CRYZL1: variants seen among roughly 807,000 people sequenced by gnomAD.
CRYZL1 encodes crystallin zeta like 1.
CRYZL1 carries 34 observed loss-of-function variants against 50.6 expected under a neutral mutation model. The observed-to-expected ratio is 0.67, with a 90% CI of 0.51 to 0.89. The LOEUF is 0.89. Ranked by LOEUF, CRYZL1 falls within the 40% of genes least tolerant of loss-of-function variation. CRYZL1 has a pLI of 0.00. For missense variants in CRYZL1, 354 were observed against 402.3 expected (o/e 0.88, Z 1.03); for synonymous variants, 125 against 134.3 (o/e 0.93, Z 0.48).
intron 1 of CRYZL1, among the ~76,000 whole-genome samples, chr21:33,636,855 A>G (rs56245734): frequency 0.31 from 47,836 of 151,938 alleles, 7,747 homozygotes; most frequent in Middle Eastern, 0.47. Flanking sequence ...CGCCCAGGCT[A>G]GAGTGCAGTG....
intron 9 of CRYZL1, 30 bp downstream of exon 9, chr21:33,599,120 C>G: frequency 6.2e-7 from 1 of 1,602,494 alleles, no homozygotes; most frequent in Non-Finnish European, 8.5e-7. Context: ...AAAAAAACTA[C>G]ACAGGCTACT....
chr21:33,615,124 C>G (rs1407607334), intron 5 of CRYZL1, among the ~76,000 whole-genome samples: 1 of 150,178 alleles, frequency 6.7e-6, no homozygotes, highest in Non-Finnish European at 1.5e-5. Context: ...CGCTATAAGG[C>G]TAAATATTTT....
intron 10 of CRYZL1, 150 bp downstream of exon 10, chr21:33,597,130 A>G (rs2086702812): frequency 6.1e-6 from 4 of 660,578 alleles, no homozygotes; most frequent in Non-Finnish European, 1.0e-5. Context: ...GCGGCCTCCC[A>G]TAGTGCTGGA....
chr21:33,589,934 G>C lies in CRYZL1; in HGVS notation c.951-13C>G. The C allele has an allele frequency of 6.8e-7, 1 of 1,479,348 alleles. No homozygotes were observed. Among genetic ancestry groups the C allele is most frequent in the East Asian group, 2.3e-5 (1 of 44,042 alleles). The allele number at this position is 1,479,348 out of a possible 1,614,324, so 91.6% of individuals were successfully genotyped here. ...ATCCAACTGAGGTCTGAGAAGGAATGAAATTAGAAATGTCAGGTCTAGTTA... is the reference window on the plus strand; with the variant it reads ...ATCCAACTGAGGTCTGAGAAGGAATCAAATTAGAAATGTCAGGTCTAGTTA... On this transcript the variant is annotated splice_polypyrimidine_tract_variant and intron_variant, in intron 12 of 12. Transcript: ENST00000381554.
chr21:33,621,967 AATAC>A, intron 4 of CRYZL1, 25 bp downstream of exon 4: 1 of 1,467,448 alleles, frequency 6.8e-7, no homozygotes, highest in Non-Finnish European at 9.4e-7. Flanking sequence ...TTAGAAAATA[AATAC>A]ATATACTCAC....
At position 33,616,521 on chromosome 21, in the gene CRYZL1, A is replaced by G. The variant is rs1301195526; in HGVS notation, c.262+185T>C. ...TGGTCAGGCTGGTCTCGAACTCCCG[A>G]CCTCAGGTGATTCGCCCACCTTGGC... On this transcript the variant is annotated intron_variant, in intron 5 of 12. Transcript: ENST00000381554. 5 of 1,204,050 alleles carry G rather than the reference A, an allele frequency of 4.2e-6. No homozygotes were observed. In the African/African-American group the frequency reaches 6.2e-5, roughly 15 times the overall value. 74.6% of individuals were successfully genotyped at this position (1,204,050 alleles called of 1,614,324 possible). A position where few individuals can be genotyped will look rare whatever the true frequency, so the allele number is the denominator to read the frequency against.
chr21:33,591,476 TCAC>T (rs2086641930), intron 11 of CRYZL1: 1 of 518,252 alleles, frequency 1.9e-6, no homozygotes. Context: ...TCCTAAGTGC[TCAC>T]CACTATTATC....
At chr21:33,614,916 ATT>A (rs1362272482) in intron 5 of CRYZL1, among the ~76,000 whole-genome samples, 2 of 152,054 alleles carry the variant, frequency 1.3e-5, no homozygotes, top group African/African-American at 4.8e-5. Flanking sequence ...AGCTAGTCTG[ATT>A]TTGTTTTTGG....
chr21:33,621,410 C>G (rs1363343803), intron 4 of CRYZL1, among the ~76,000 whole-genome samples: 1 of 151,276 alleles, frequency 6.6e-6, no homozygotes, highest in Non-Finnish European at 1.5e-5. Context: ...GGCGCCATCT[C>G]GGCTCACTGC....
At chr21:33,634,933 C>T (rs1453216801) in intron 1 of CRYZL1, among the ~76,000 whole-genome samples, 6 of 151,146 alleles carry the variant, frequency 4.0e-5, no homozygotes, top group Admixed American at 3.3e-4. Context: ...TTAGTCACAT[C>T]ATCCTAAATA....
chr21:33,595,973 C>T (rs899099065), intron 10 of CRYZL1, 137 bp from the exon 11 acceptor site: 17 of 655,262 alleles, frequency 2.6e-5, no homozygotes, highest in East Asian at 8.2e-5. Context: ...ACTTTAATAA[C>T]GTAAACGATA....
At chr21:33,636,795 C>A (rs1351559259) in intron 1 of CRYZL1, among the ~76,000 whole-genome samples, 1 of 152,090 alleles carries the variant, frequency 6.6e-6, no homozygotes, top group Non-Finnish European at 1.5e-5. Flanking sequence ...ACACTCAATC[C>A]CCCAAGAAGC....
At chr21:33,592,069 T>C (rs1440846506) in intron 11 of CRYZL1, among the ~76,000 whole-genome samples, 1 of 151,964 alleles carries the variant, frequency 6.6e-6, no homozygotes, top group South Asian at 2.1e-4. Context: ...CCTAATGCAA[T>C]GTAAATACTA....
At position 33,627,092 on chromosome 21, in the gene CRYZL1, T is replaced by C. The variant is rs558236369; in HGVS notation, c.67-2332A>G. ...TTCTTCCCAAGAGCCAATCAACCCCTGACCCTCATCCTGATCAATGATAGA... is the reference window on the plus strand; with the variant it reads ...TTCTTCCCAAGAGCCAATCAACCCCCGACCCTCATCCTGATCAATGATAGA... On this transcript the variant is annotated intron_variant, in intron 2 of 12. Coordinates refer to ENST00000381554, the MANE Select transcript of CRYZL1 (RefSeq NM_145858.3). Among the ~76,000 whole-genome samples the C allele has an allele frequency of 5.3e-5, 8 of 152,348 alleles. No individual in the cohort carries two copies. In the South Asian group the frequency reaches 1.7e-3, roughly 32 times the overall value.
At chr21:33,605,473 ATTT>A (rs908451941) in intron 6 of CRYZL1, among the ~76,000 whole-genome samples, 2 of 141,318 alleles carry the variant, frequency 1.4e-5, no homozygotes, top group African/African-American at 5.3e-5. Flanking sequence ...TCACTATTTA[ATTT>A]TTGTTTTGTA....
At chr21:33,609,437 C>T (rs1254265380) in intron 6 of CRYZL1, among the ~76,000 whole-genome samples, 6 of 151,968 alleles carry the variant, frequency 3.9e-5, no homozygotes, top group Non-Finnish European at 7.4e-5. Flanking sequence ...GCAGCTGGGA[C>T]TATAGGCACA....
At chr21:33,624,366 GCAAAACC>G (rs1327505305) in intron 3 of CRYZL1, among the ~76,000 whole-genome samples, 6 of 152,106 alleles carry the variant, frequency 3.9e-5, no homozygotes, top group Non-Finnish European at 8.8e-5. Context: ...GGCCAACATG[GCAAAACC>G]CATTTTTATG....
At chr21:33,636,815 C>G (rs1207003230) in intron 1 of CRYZL1, among the ~76,000 whole-genome samples, 1 of 152,084 alleles carries the variant, frequency 6.6e-6, no homozygotes, top group Admixed American at 6.6e-5. Context: ...CTCATCTATT[C>G]TTTTTTCTTT....
rs8132793 is a variant in CRYZL1, at chr21:33,629,542, C to T, written c.66+1944G>A. On this transcript the variant is annotated intron_variant, in intron 2 of 12. Coordinates refer to ENST00000381554, the MANE Select transcript of CRYZL1 (RefSeq NM_145858.3). ...CCTCCCAAAGTGCTGGGATTACAGGCGTGAGCCACCATGCCCAGCCTCCTA... is the reference window on the plus strand; with the variant it reads ...CCTCCCAAAGTGCTGGGATTACAGGTGTGAGCCACCATGCCCAGCCTCCTA... Among the ~76,000 whole-genome samples the T allele has an allele frequency of 3.7e-3, 571 of 152,340 alleles. 5 individuals carry two copies. The highest frequency in any genetic ancestry group is 0.013 in the African/African-American group (539 of 41,576).
Sources: allele counts gnomAD v4.1 joint callset (sites outside exome capture counted in the v4.1 genomes callset), GRCh38; gene constraint gnomAD v4.1.1; transcripts MANE v1.5; gene names NCBI Gene and HGNC (gene_info 2026-07-23, HGNC 2026-07-21).